The following CHRM3 variants were observed in gnomAD, a reference collection of about 807,000 sequenced individuals.
CHRM3 encodes the protein muscarinic acetylcholine receptor M3.
Under a neutral mutation model 41.8 loss-of-function variants are expected in CHRM3, and 11 were observed. The observed-to-expected ratio is 0.26, with a 90% CI of 0.17 to 0.44. The LOEUF is 0.44. Among genes scored for constraint, CHRM3 ranks in the 20% least tolerant of loss-of-function variants. The pLI, the probability that CHRM3 is intolerant of heterozygous loss-of-function variation, is 1.00. For synonymous variants in CHRM3, 297 were observed against 301.4 expected (o/e 0.99, Z 0.15); for missense variants, 571 against 745.4 (o/e 0.77, Z 2.72).
intron 5 of CHRM3, among the ~76,000 whole-genome samples, chr1:239,776,835 G>T (rs1209044850): frequency 6.6e-6 from 1 of 152,136 alleles, no homozygotes; most frequent in Admixed American, 6.5e-5. Flanking sequence ...CATGGCAGCA[G>T]CAAGGAGAAG....
chr1:239,722,687 G>A (rs1663086987), intron 5 of CHRM3, among the ~76,000 whole-genome samples: 1 of 151,820 alleles, frequency 6.6e-6, no homozygotes, highest in Admixed American at 6.6e-5. Flanking sequence ...TACAAATAAT[G>A]CATTTCATTT....
intron 1 of CHRM3, among the ~76,000 whole-genome samples, chr1:239,412,036 C>T (rs971567713): frequency 1.3e-5 from 2 of 151,394 alleles, no homozygotes; most frequent in Admixed American, 1.3e-4. Context: ...AAATCTCTTT[C>T]TTTATACTTC....
chr1:239,855,967 G>GT (rs1675081111), intron 6 of CHRM3, among the ~76,000 whole-genome samples: 1 of 152,146 alleles, frequency 6.6e-6, no homozygotes, highest in South Asian at 2.1e-4. Context: ...TTTCTTAGCA[G>GT]TTTCTCAGGA....
intron 1 of CHRM3, among the ~76,000 whole-genome samples, chr1:239,437,867 C>G (rs1010120344): frequency 3.9e-5 from 6 of 152,180 alleles, no homozygotes; most frequent in African/African-American, 9.7e-5. Context: ...ACTGTCTAAA[C>G]TGGATTTAAG....
intron 3 of CHRM3, among the ~76,000 whole-genome samples, chr1:239,603,800 A>G (rs1035648762): frequency 1.3e-5 from 2 of 152,180 alleles, no homozygotes; most frequent in African/African-American, 4.8e-5. Context: ...GATAAGTTTT[A>G]CAATAAAAAT....
At chr1:239,826,710 A>G (rs916404979) in intron 5 of CHRM3, 2 of 152,226 alleles carry the variant, frequency 1.3e-5, no homozygotes, top group Non-Finnish European at 2.9e-5. Context: ...TGAATGAGAA[A>G]AACCTATAAG....
intron 5 of CHRM3, among the ~76,000 whole-genome samples, chr1:239,772,458 C>T (rs1344698257): frequency 6.6e-6 from 1 of 152,092 alleles, no homozygotes; most frequent in African/African-American, 2.4e-5. Flanking sequence ...GCCTATACTT[C>T]CTTGTTATTT....
intron 1 of CHRM3, among the ~76,000 whole-genome samples, chr1:239,479,895 T>A (rs1430573192): frequency 6.6e-6 from 1 of 152,218 alleles, no homozygotes; most frequent in Non-Finnish European, 1.5e-5. Context: ...TACTGTACAC[T>A]ACTGTAGACA....
At chr1:239,826,035 C>G (rs1364111780) in intron 5 of CHRM3, among the ~76,000 whole-genome samples, 1 of 152,116 alleles carries the variant, frequency 6.6e-6, no homozygotes, top group Non-Finnish European at 1.5e-5. Flanking sequence ...ATGCTGGTTT[C>G]TGGGAACTGG....
intron 5 of CHRM3, among the ~76,000 whole-genome samples, chr1:239,768,224 C>G (rs1332927210): frequency 1.3e-5 from 2 of 152,098 alleles, no homozygotes; most frequent in Non-Finnish European, 2.9e-5. Flanking sequence ...TATTTGGTAA[C>G]GTAAATTCTT....
chr1:239,589,668 A>G (rs1211383692), intron 3 of CHRM3, among the ~76,000 whole-genome samples: 1 of 98,434 alleles, frequency 1.0e-5, no homozygotes, highest in Non-Finnish European at 2.2e-5. Context: ...ATATATATAT[A>G]TAGTTTTATG....
At chr1:239,739,732 C>T (rs1390774297) in intron 5 of CHRM3, among the ~76,000 whole-genome samples, 2 of 152,026 alleles carry the variant, frequency 1.3e-5, no homozygotes, top group Non-Finnish European at 2.9e-5. Context: ...ATGTCCCAGT[C>T]ATCTCAGGGA....
chr1:239,903,848 A>G (rs1679765832), intron 6 of CHRM3, among the ~76,000 whole-genome samples: 2 of 152,164 alleles, frequency 1.3e-5, no homozygotes, highest in African/African-American at 2.4e-5. Flanking sequence ...GGTCTTCTTC[A>G]TGTTCATTGT....
rs71567247 is a variant in CHRM3, at chr1:239,479,190, C to CCACATACACA, written c.-520-13515_-520-13514insTACACACACA. Among the ~76,000 whole-genome samples the CCACATACACA allele has an allele frequency of 2.1e-3, 291 of 139,988 alleles. 2 individuals carry two copies. Among genetic ancestry groups the CCACATACACA allele is most frequent in the Middle Eastern group, 0.011 (3 of 276 alleles). The allele number at this position is 139,988 out of a possible 152,430, so 91.8% of individuals were successfully genotyped here. Reference sequence around the variant, plus strand: ...CAGAGTGAAACTCCATTTCAAAAAACCACACACACACACACACACACACAC... The same window carrying CCACATACACA: ...CAGAGTGAAACTCCATTTCAAAAAACCACATACACACACACACACACACACACACACACAC... On this transcript the variant is annotated intron_variant, in intron 1 of 6. Coordinates refer to ENST00000676153, the MANE Select transcript of CHRM3 (RefSeq NM_001375978.1).
chr1:239,879,450 TAGCTC>T (rs1388414117), intron 6 of CHRM3, among the ~76,000 whole-genome samples: 1 of 152,226 alleles, frequency 6.6e-6, no homozygotes, highest in Non-Finnish European at 1.5e-5. Context: ...ATCCATGTGT[TAGCTC>T]AGAAGCCAAC....
At chr1:239,561,554 C>A (rs1270969115) in intron 3 of CHRM3, among the ~76,000 whole-genome samples, 1 of 151,852 alleles carries the variant, frequency 6.6e-6, no homozygotes, top group Non-Finnish European at 1.5e-5. Flanking sequence ...TTAAACAGAG[C>A]TTTACATTTT....
At chr1:239,455,192 C>T (rs1284940123) in intron 1 of CHRM3, among the ~76,000 whole-genome samples, 1 of 152,002 alleles carries the variant, frequency 6.6e-6, no homozygotes, top group South Asian at 2.1e-4. Context: ...GCTGAGATTA[C>T]AAGCATACGC....
chr1:239,388,219 A>G (rs534263663), intron 1 of CHRM3, among the ~76,000 whole-genome samples: 2 of 152,294 alleles, frequency 1.3e-5, no homozygotes, highest in East Asian at 3.9e-4. Flanking sequence ...CTGCAAGGAT[A>G]TGTCCCCTCG....
At chr1:239,404,084 C>G (rs980426290) in intron 1 of CHRM3, among the ~76,000 whole-genome samples, 10 of 146,546 alleles carry the variant, frequency 6.8e-5, no homozygotes, top group South Asian at 2.2e-4. Flanking sequence ...ATCACGAGAT[C>G]GAGACCATCC....
Sources: gnomAD v4.1 joint callset for allele counts (sites outside exome capture counted in the v4.1 genomes callset) on GRCh38, gnomAD v4.1.1 for gene constraint, MANE v1.5 for transcripts, NCBI Gene and HGNC (gene_info 2026-07-23, HGNC 2026-07-21) for gene names.